Variants in MTUS2 observed in about 807,000 individuals in gnomAD.
MTUS2 encodes the protein microtubule-associated tumor suppressor candidate 2.
MTUS2 carries 40 observed loss-of-function variants against 114.1 expected under a neutral mutation model. The ratio of observed to expected loss-of-function variants is 0.35; its 90% CI spans 0.27 to 0.46. The LOEUF is 0.46. Among genes scored for constraint, MTUS2 ranks in the 20% least tolerant of loss-of-function variants. The probability of loss-of-function intolerance (pLI) is 1.00; values close to 1 mark genes in which losing one functional copy is unlikely to be tolerated. For synonymous variants in MTUS2, 688 were observed against 672.0 expected (o/e 1.02, Z -0.37); for missense variants, 1,679 against 1,705.4 (o/e 0.98, Z 0.27).
intron 2 of MTUS2, among the ~76,000 whole-genome samples, chr13:28,918,115 G>A (rs1051597576): frequency 6.6e-5 from 10 of 151,914 alleles, no homozygotes; most frequent in African/African-American, 2.4e-4. Flanking sequence ...TTTTGAGAAT[G>A]AGCCATATGT....
chr13:29,374,018 A>C (rs907027219), intron 8 of MTUS2, among the ~76,000 whole-genome samples: 5 of 152,230 alleles, frequency 3.3e-5, no homozygotes, highest in Admixed American at 1.3e-4. Flanking sequence ...GTATCAAAGG[A>C]AGAAAAGATA....
chr13:29,287,912 AATT>A (rs1290240528), intron 6 of MTUS2, among the ~76,000 whole-genome samples: 1 of 152,192 alleles, frequency 6.6e-6, no homozygotes, highest in African/African-American at 2.4e-5. Flanking sequence ...ACAGAGAAAC[AATT>A]ATTAAAACGT....
intron 2 of MTUS2, among the ~76,000 whole-genome samples, chr13:28,858,400 T>C (rs774848104): frequency 4.6e-5 from 7 of 151,706 alleles, no homozygotes; most frequent in Non-Finnish European, 7.4e-5. Context: ...GTTGGCTGAG[T>C]TCTTTCATAT....
intron 14 of MTUS2, among the ~76,000 whole-genome samples, chr13:29,500,792 A>AACACACACACACACACACACAC (rs3066073): frequency 6.9e-6 from 1 of 144,278 alleles, no homozygotes; most frequent in Admixed American, 6.9e-5. Context: ...TTACATCAGA[A>AACACACACACACACACACACAC]ACACACACAC....
At chr13:28,977,236 G>A (rs935701671) in intron 2 of MTUS2, among the ~76,000 whole-genome samples, 26 of 152,106 alleles carry the variant, frequency 1.7e-4, no homozygotes, top group African/African-American at 6.0e-4. Context: ...ATCGCATCCT[G>A]GTGTCTCTTT....
At chr13:29,453,708 A>G (rs1033808522) in intron 9 of MTUS2, among the ~76,000 whole-genome samples, 8 of 152,258 alleles carry the variant, frequency 5.3e-5, no homozygotes, top group African/African-American at 1.4e-4. Flanking sequence ...TAATCTCTCT[A>G]CTGGGAAACA....
chr13:29,381,150 G>A (rs1288245796), intron 8 of MTUS2, among the ~76,000 whole-genome samples: 1 of 152,188 alleles, frequency 6.6e-6, no homozygotes, highest in East Asian at 1.9e-4. Flanking sequence ...GCTCTCAGGG[G>A]CATGTATCTG....
chr13:29,171,529 G>C (rs1566045831), intron 5 of MTUS2, among the ~76,000 whole-genome samples: 1 of 152,168 alleles, frequency 6.6e-6, no homozygotes, highest in East Asian at 1.9e-4. Context: ...TATTAGTAGT[G>C]GTGGAGGTGA....
At chr13:29,018,778 C>T (rs1246161314) in intron 2 of MTUS2, among the ~76,000 whole-genome samples, 1 of 136,334 alleles carries the variant, frequency 7.3e-6, no homozygotes, top group Non-Finnish European at 1.6e-5. Flanking sequence ...CCCCCCGCCC[C>T]CGCCCCCTGC....
intron 8 of MTUS2, among the ~76,000 whole-genome samples, chr13:29,434,900 G>A (rs1280431705): frequency 2.0e-5 from 3 of 152,192 alleles, no homozygotes; most frequent in Admixed American, 6.5e-5. Flanking sequence ...ATATCCCCGC[G>A]AGTTTGCAAA....
intron 5 of MTUS2, among the ~76,000 whole-genome samples, chr13:29,207,303 A>G (rs983598840): frequency 6.6e-6 from 1 of 152,160 alleles, no homozygotes; most frequent in African/African-American, 2.4e-5. Flanking sequence ...GAATTCATTT[A>G]TCAGTTCTAG....
At chr13:29,140,491 A>G (rs771325910) in intron 5 of MTUS2, among the ~76,000 whole-genome samples, 1 of 152,224 alleles carries the variant, frequency 6.6e-6, no homozygotes, top group African/African-American at 2.4e-5. Context: ...AATCAGTGCT[A>G]AATGCCGCAG....
Position 29,503,177 on chromosome 13 carries a change from C to T in MTUS2, c.4081C>T (p.Pro1361Ser). The change falls in exon 16 of 16, where the codon CCG (proline) becomes TCG (serine). Residue 1361 changes from proline to serine, a missense_variant. Physicochemically the swap from Pro to Ser is moderately conservative, Grantham distance 74. Transcript: ENST00000612955. ...CGGCTCCTCCTCGGGGCCCTCCTCT[C>T]CGGCCAGAGTCAGCACAACACCCAG... ...YRGSSSGPSS[P>S]ARVSTTPR The T allele has an allele frequency of 6.2e-7, 1 of 1,614,128 alleles. No individual in the cohort carries two copies.
At chr13:28,975,458 A>G (rs9551581) in intron 2 of MTUS2, among the ~76,000 whole-genome samples, 13 of 149,938 alleles carry the variant, frequency 8.7e-5, no homozygotes, top group African/African-American at 2.5e-4. Context: ...GGCGTTTCCA[A>G]TCTCGCCTGC....
chr13:28,839,442 C>T (rs1448744335), intron 1 of MTUS2, among the ~76,000 whole-genome samples: 1 of 152,080 alleles, frequency 6.6e-6, no homozygotes, highest in African/African-American at 2.4e-5. Context: ...CCTTAAGATA[C>T]TTCATTTATA....
intron 2 of MTUS2, among the ~76,000 whole-genome samples, chr13:29,011,029 CA>C (rs1412461113): frequency 2.6e-5 from 4 of 152,162 alleles, no homozygotes; most frequent in African/African-American, 7.2e-5. Context: ...AACACTTATG[CA>C]TACATGTTGT....
intron 7 of MTUS2, among the ~76,000 whole-genome samples, chr13:29,349,023 ATGT>A (rs1357443871): frequency 5.3e-5 from 8 of 152,110 alleles, no homozygotes; most frequent in Non-Finnish European, 8.8e-5. Flanking sequence ...TATGCATTTG[ATGT>A]TATTACTGAT....
At chr13:29,137,008 T>C (rs544687747) in intron 5 of MTUS2, among the ~76,000 whole-genome samples, 91 of 152,338 alleles carry the variant, frequency 6.0e-4, no homozygotes, top group Non-Finnish European at 1.1e-3. Flanking sequence ...GATTGGTTGC[T>C]GGTAGAGAGA....
At chr13:29,478,777 G>A (rs1397038138) in intron 9 of MTUS2, among the ~76,000 whole-genome samples, 10 of 152,118 alleles carry the variant, frequency 6.6e-5, no homozygotes, top group Admixed American at 6.5e-5. Context: ...TAAATGATGG[G>A]ATGTGGGACA....
Sources: allele counts gnomAD v4.1 joint callset (sites outside exome capture counted in the v4.1 genomes callset), GRCh38; gene constraint gnomAD v4.1.1; transcripts MANE v1.5; gene names NCBI Gene and HGNC (gene_info 2026-07-23, HGNC 2026-07-21).